The following SCRG1 variants were observed in gnomAD, a reference collection of about 807,000 sequenced individuals.
SCRG1 encodes stimulator of chondrogenesis 1, also known as scrapie-responsive protein 1.
A neutral mutation model predicts 7.7 loss-of-function variants in SCRG1; 3 were observed. The ratio of observed to expected loss-of-function variants is 0.39; its 90% CI spans 0.18 to 1.01. The LOEUF (loss-of-function observed/expected upper bound fraction) is 1.01, where lower values mean the gene tolerates loss of function less well. Ranked by LOEUF, SCRG1 falls within the 50% of genes least tolerant of loss-of-function variation. The probability of loss-of-function intolerance (pLI) is 0.36; values close to 1 mark genes in which losing one functional copy is unlikely to be tolerated. For synonymous variants in SCRG1, 46 were observed against 41.2 expected (o/e 1.12, Z -0.44); for missense variants, 110 against 117.2 (o/e 0.94, Z 0.28).
At chr4:173,451,675 TTTATTTATTTTGAGACAGAGTCTCGC>T in the SCRG1 span, among the ~76,000 whole-genome samples, 1 of 130,666 alleles carries the variant, frequency 7.7e-6, no homozygotes, top group Non-Finnish European at 1.8e-5. Flanking sequence ...TATTTATTTA[TTTATTTATTTTGAGACAGAGTCTCGC>T]TTTGTCACCC....
chr4:173,434,121 T>A, the SCRG1 span, among the ~76,000 whole-genome samples: 1 of 152,104 alleles, frequency 6.6e-6, no homozygotes, highest in African/African-American at 2.4e-5. Flanking sequence ...GGCTCTGAGA[T>A]GGGGCCAGGG....
At chr4:173,442,599 T>C in the SCRG1 span, among the ~76,000 whole-genome samples, 1 of 152,226 alleles carries the variant, frequency 6.6e-6, no homozygotes, top group African/African-American at 2.4e-5. Context: ...TGTCTTAGTC[T>C]GTTTTCTGAT....
chr4:173,459,914 AAT>A, the SCRG1 span, among the ~76,000 whole-genome samples: 4 of 152,174 alleles, frequency 2.6e-5, no homozygotes, highest in African/African-American at 4.8e-5. Context: ...ACAAAAAAAA[AAT>A]ACATGTGTGA....
chr4:173,485,358 T>A, the SCRG1 span, among the ~76,000 whole-genome samples: 1 of 149,546 alleles, frequency 6.7e-6, no homozygotes, highest in Non-Finnish European at 1.5e-5. Context: ...GACCTAGCTG[T>A]CTTGCTGGAA....
chr4:173,518,050 GCC>G, the SCRG1 span, among the ~76,000 whole-genome samples: 2 of 152,262 alleles, frequency 1.3e-5, no homozygotes, highest in Admixed American at 6.5e-5. Flanking sequence ...GGAGGAGGCT[GCC>G]CTAGTATCTT....
At chr4:173,411,114 C>G (rs529567433), upstream of SCRG1, among the ~76,000 whole-genome samples, 1 of 152,158 alleles carries the variant, frequency 6.6e-6, no homozygotes. Context: ...TGCAATTGCT[C>G]GTTGGCTACA....
chr4:173,474,396 C>T, the SCRG1 span, among the ~76,000 whole-genome samples: 1 of 151,882 alleles, frequency 6.6e-6, no homozygotes, highest in Non-Finnish European at 1.5e-5. Flanking sequence ...CTCTGTAAAT[C>T]CAGATTTGTG....
At chr4:173,428,692 T>C in the SCRG1 span, among the ~76,000 whole-genome samples, 1 of 152,216 alleles carries the variant, frequency 6.6e-6, no homozygotes, top group African/African-American at 2.4e-5. Flanking sequence ...TAGATCCAAA[T>C]GCTCTCTGAC....
chr4:173,503,625 A>G, the SCRG1 span, among the ~76,000 whole-genome samples: 5 of 152,182 alleles, frequency 3.3e-5, no homozygotes, highest in African/African-American at 1.2e-4. This position sits in a 1 kb window ranked among gnomAD's most constrained non-coding sequence, Gnocchi z 6.4. Context: ...AGCAATGAGG[A>G]TATGTGACAA....
At chr4:173,437,939 A>G in the SCRG1 span, among the ~76,000 whole-genome samples, 4 of 152,204 alleles carry the variant, frequency 2.6e-5, no homozygotes, top group Non-Finnish European at 5.9e-5. Flanking sequence ...CAGTTGATCC[A>G]TAAGGCCTGC....
chr4:173,443,460 C>T, the SCRG1 span, among the ~76,000 whole-genome samples: 1 of 152,072 alleles, frequency 6.6e-6, no homozygotes, highest in Non-Finnish European at 1.5e-5. Context: ...ACCTGCCTGT[C>T]AATAGAAAAC....
chr4:173,394,731 C>G (rs771564079), intron 1 of SCRG1, among the ~76,000 whole-genome samples: 1 of 152,194 alleles, frequency 6.6e-6, no homozygotes, highest in African/African-American at 2.4e-5. Context: ...TTTTAATTCT[C>G]TCTCACCACA....
the SCRG1 span, among the ~76,000 whole-genome samples, chr4:173,484,373 TATATTATGTATATTTTATAC>T: frequency 7.7e-5 from 3 of 39,092 alleles, no homozygotes; most frequent in Admixed American, 1.3e-3. Context: ...TTATATATTA[TATATTATGTATATTTTATAC>T]ATTATATATT....
upstream of SCRG1, among the ~76,000 whole-genome samples, chr4:173,409,306 A>G (rs1164060530): frequency 6.6e-6 from 1 of 152,076 alleles, no homozygotes; most frequent in East Asian, 1.9e-4. Flanking sequence ...TAACAGGGGA[A>G]ATCTTCCTTC....
At chr4:173,460,467 A>T in the SCRG1 span, among the ~76,000 whole-genome samples, 1 of 152,194 alleles carries the variant, frequency 6.6e-6, no homozygotes, top group Non-Finnish European at 1.5e-5. Context: ...TACATCTTGG[A>T]TACCAGCTAA....
chr4:173,401,113 C>T (rs1230507056), upstream of SCRG1, among the ~76,000 whole-genome samples: 1 of 152,198 alleles, frequency 6.6e-6, no homozygotes, highest in Non-Finnish European at 1.5e-5. Context: ...AAGGTCAATA[C>T]AACCAGAAGC....
the SCRG1 span, among the ~76,000 whole-genome samples, chr4:173,412,397 C>G: frequency 2.0e-5 from 3 of 152,136 alleles, no homozygotes; most frequent in Non-Finnish European, 4.4e-5. Context: ...TGATCCCTAC[C>G]ATTTCTTCTT....
At chr4:173,402,454 TAAA>T (rs5864196), upstream of SCRG1, among the ~76,000 whole-genome samples, 6 of 146,354 alleles carry the variant, frequency 4.1e-5, no homozygotes, top group African/African-American at 1.5e-4. Context: ...TATTTCTTTT[TAAA>T]AAAAAAAAAA....
chr4:173,510,082 C>G, the SCRG1 span, among the ~76,000 whole-genome samples: 17 of 152,220 alleles, frequency 1.1e-4, no homozygotes, highest in Admixed American at 6.5e-4. This position sits in a 1 kb window ranked among gnomAD's most constrained non-coding sequence, Gnocchi z 5.7. Flanking sequence ...ATGCTTCTCT[C>G]ATGCCCTATA....
Sources: allele counts gnomAD v4.1 joint callset (sites outside exome capture counted in the v4.1 genomes callset), GRCh38; gene constraint gnomAD v4.1.1; non-coding constraint Gnocchi (gnomAD v3.1); transcripts MANE v1.5; gene names NCBI Gene and HGNC (gene_info 2026-07-23, HGNC 2026-07-21).